The following CFH variants were observed in gnomAD, a reference collection of about 807,000 sequenced individuals.
CFH encodes complement factor H.
In CFH, 53 loss-of-function variants were observed where a neutral mutation model predicts 147.3. The observed-to-expected ratio is 0.36, with a 90% confidence interval of 0.29 to 0.45. CFH has a LOEUF of 0.45. Among genes scored for constraint, CFH ranks in the 20% least tolerant of loss-of-function variants. CFH has a pLI of 1.00. For missense variants in CFH, 1,380 were observed against 1,498.0 expected (o/e 0.92, Z 1.30); for synonymous variants, 536 against 489.4 (o/e 1.10, Z -1.26).
At chr1:196,737,223 C>T in intron 16 of CFH, among the ~76,000 whole-genome samples, 1 of 152,088 alleles carries the variant, frequency 6.6e-6, no homozygotes, top group East Asian at 1.9e-4. Flanking sequence ...TGTCAGATAA[C>T]ATTTCCATTC....
intron 19 of CFH, among the ~76,000 whole-genome samples, chr1:196,742,971 A>G (rs931109614): frequency 1.3e-5 from 2 of 152,142 alleles, no homozygotes; most frequent in African/African-American, 4.8e-5. Flanking sequence ...TGTGTTTTTA[A>G]TTCTTTGCTT....
At chr1:196,707,244 A>C (rs894013116) in intron 9 of CFH, among the ~76,000 whole-genome samples, 2 of 152,212 alleles carry the variant, frequency 1.3e-5, no homozygotes, top group Admixed American at 1.3e-4. Flanking sequence ...GCTCAGAGTA[A>C]GGGTGGTCCC....
intron 18 of CFH, 199 bp from the exon 19 acceptor site, chr1:196,741,676 C>T (rs1652812589): frequency 7.0e-6 from 4 of 568,462 alleles, no homozygotes; most frequent in South Asian, 2.1e-5. Context: ...AATATCATTT[C>T]TATCTTGTAT....
intron 17 of CFH, among the ~76,000 whole-genome samples, chr1:196,739,923 G>A (rs1483748408): frequency 6.6e-6 from 1 of 152,156 alleles, no homozygotes; most frequent in Non-Finnish European, 1.5e-5. Flanking sequence ...AATTCCACAT[G>A]GCTGGGAGGC....
rs1652693856 is a variant in CFH, at chr1:196,738,875, G to T, written c.2782+1215G>T. Among the ~76,000 whole-genome samples the T allele has an allele frequency of 2.0e-5, 3 of 152,182 alleles. No individual in the cohort carries two copies. The South Asian group carries it at 6.2e-4, about 31-fold the overall frequency. ...TCCTTTCCTCAATGGCCTAGCAGAG[G>T]TTCTCCATGTGGGCTCCCCCCTGCA... On this transcript the variant is annotated intron_variant, in intron 17 of 21. Transcript: ENST00000367429.
chr1:196,697,358 C>T (rs1231028319), intron 9 of CFH, among the ~76,000 whole-genome samples: 3 of 152,202 alleles, frequency 2.0e-5, no homozygotes. Context: ...TATGAACAGA[C>T]ACTTCTCAAA....
chr1:196,735,001 A>T (rs1255216793), intron 15 of CFH, among the ~76,000 whole-genome samples: 4 of 152,146 alleles, frequency 2.6e-5, no homozygotes, highest in Non-Finnish European at 5.9e-5. Context: ...AAAAATGAAA[A>T]CATGGTCATA....
At chr1:196,676,627 C>T (rs1388107838) in intron 4 of CFH, among the ~76,000 whole-genome samples, 1 of 152,088 alleles carries the variant, frequency 6.6e-6, no homozygotes, top group Non-Finnish European at 1.5e-5. Context: ...TAATCCAAAT[C>T]TCTAGTCATT....
At chr1:196,744,712 C>T (rs1652940538) in intron 20 of CFH, among the ~76,000 whole-genome samples, 1 of 152,124 alleles carries the variant, frequency 6.6e-6, no homozygotes, top group African/African-American at 2.4e-5. Flanking sequence ...AAATATCGAA[C>T]ATAATTGAAA....
intron 11 of CFH, among the ~76,000 whole-genome samples, chr1:196,716,927 C>A (rs751236978): frequency 1.3e-5 from 2 of 151,892 alleles, no homozygotes; most frequent in Non-Finnish European, 2.9e-5. Flanking sequence ...AGGAGATATG[C>A]ATTTCGGAAT....
chr1:196,701,137 C>A (rs558857024), intron 9 of CFH, among the ~76,000 whole-genome samples: 4 of 152,218 alleles, frequency 2.6e-5, no homozygotes, highest in African/African-American at 9.6e-5. Context: ...TTGTCTTTGT[C>A]TTGTTATATG....
At chr1:196,688,378 A>T (rs1294134813) in intron 7 of CFH, among the ~76,000 whole-genome samples, 1 of 152,108 alleles carries the variant, frequency 6.6e-6, no homozygotes, top group East Asian at 1.9e-4. Context: ...CTCCAATTAA[A>T]ATTAGAAATA....
intron 21 of CFH, among the ~76,000 whole-genome samples, chr1:196,746,501 T>G (rs988565173): frequency 5.3e-5 from 8 of 152,240 alleles, no homozygotes; most frequent in African/African-American, 1.7e-4. Flanking sequence ...ATATTTTATT[T>G]TAAAGCATTT....
chr1:196,657,794 GT>G (rs1405490733), intron 1 of CFH, among the ~76,000 whole-genome samples: 1 of 151,850 alleles, frequency 6.6e-6, no homozygotes, highest in African/African-American at 2.4e-5. Flanking sequence ...AATATCTACT[GT>G]TTTTTATGCA....
intron 9 of CFH, chr1:196,700,849 A>T: frequency 1.0e-6 from 1 of 985,310 alleles, no homozygotes; most frequent in Non-Finnish European, 1.2e-6. Flanking sequence ...TTCAGCACAC[A>T]ACCTTGTCTG....
chr1:196,729,057 C>T (rs1669219648), intron 15 of CFH, among the ~76,000 whole-genome samples: 1 of 152,044 alleles, frequency 6.6e-6, no homozygotes, highest in East Asian at 1.9e-4. Context: ...TACAGTTTCA[C>T]TTGAATAGTG....
At chr1:196,708,603 T>C (rs1286988127) in intron 9 of CFH, among the ~76,000 whole-genome samples, 1 of 97,130 alleles carries the variant, frequency 1.0e-5, no homozygotes, top group Admixed American at 1.3e-4. Context: ...CATTTGTCTA[T>C]ATTCCCCATG....
intron 18 of CFH, 105 bp downstream of exon 18, chr1:196,740,897 T>C (rs1652788386): frequency 8.5e-7 from 1 of 1,179,290 alleles, no homozygotes; most frequent in Non-Finnish European, 1.3e-6. Flanking sequence ...TTCATAAGGT[T>C]TTCTTGAATA....
chr1:196,722,357 T>C (rs1348732017), intron 11 of CFH, among the ~76,000 whole-genome samples: 1 of 152,134 alleles, frequency 6.6e-6, no homozygotes, highest in Non-Finnish European at 1.5e-5. Flanking sequence ...ATCTCTAATA[T>C]ATGTTTTTTC....
Sources: allele counts gnomAD v4.1 joint callset (sites outside exome capture counted in the v4.1 genomes callset), GRCh38; gene constraint gnomAD v4.1.1; transcripts MANE v1.5; gene names NCBI Gene and HGNC (gene_info 2026-07-23, HGNC 2026-07-21).